Variants in KRT9 observed in about 807,000 individuals in gnomAD.
KRT9 encodes the protein keratin 9.
In KRT9, 34 loss-of-function variants were observed where a neutral mutation model predicts 51.4. That is an observed-to-expected ratio of 0.66 (90% confidence interval 0.50 to 0.88). The LOEUF (loss-of-function observed/expected upper bound fraction) is 0.88. Among genes scored for constraint, KRT9 ranks in the 40% least tolerant of loss-of-function variants. The pLI is 0.00. For missense variants in KRT9, 753 were observed against 790.3 expected (o/e 0.95, Z 0.57); for synonymous variants, 292 against 289.7 (o/e 1.01, Z -0.08).
In KRT9 at chr17:41,567,566, C is replaced by T; in HGVS notation, c.1579G>A (p.Gly527Arg). The T allele has an allele frequency of 1.9e-6, 3 of 1,553,446 alleles. No individual in the cohort carries two copies. Among genetic ancestry groups the T allele is most frequent in the Non-Finnish European group, 2.6e-6 (3 of 1,148,266 alleles). ...CCATAGCCACCTCCACTACCTCCTC[C>T]AGAACCACTTCCTCCACCGTAGCTG... is the stretch of plus-strand genomic sequence containing the variant. ...GGSYGGGSGS[G>R]GGSGGGYGGG... The change falls in exon 7 of 8, where the codon GGA becomes AGA. Residue 527 changes from glycine (G) to arginine (R), a missense_variant. By Grantham distance (125) the Gly-to-Arg change is moderately radical (BLOSUM62 -2). Transcript: ENST00000246662.
Position 41,572,023 on chromosome 17 carries a change from C to T in KRT9, c.-31G>A, listed in dbSNP as rs376504688. The T allele has an allele frequency of 5.1e-4, 797 of 1,553,710 alleles. 3 individuals are homozygous for T. Among genetic ancestry groups the T allele is most frequent in the Non-Finnish European group, 4.0e-4 (462 of 1,154,228 alleles). ...AGCTGGTAGCTCACGGGTTGAGAAG[C>T]AGTGATAGGAGTGCTACCGGCTCCC... On this transcript the variant is annotated 5_prime_UTR_variant, in exon 1 of 8. Coordinates refer to ENST00000246662, the MANE Select transcript of KRT9 (RefSeq NM_000226.4).
chr17:41,567,678 G>T lies in KRT9; in HGVS notation c.1467C>A (p.Ser489=). 1 of 1,612,902 alleles carries T rather than the reference G, an allele frequency of 6.2e-7. No individual in the cohort carries two copies. The highest frequency in any genetic ancestry group is 8.5e-7 in the Non-Finnish European group (1 of 1,179,416). ...GGSGGSYGRG[S]RGGSGGSYGG... is the part of the protein sequence containing the mutation. ...CATAGCTGCCTCCACTTCCTCCCCT[G>T]GATCCTCTTCCATAACTGCCTCCAC... is the stretch of plus-strand genomic sequence containing the variant. Residue 489 remains serine (S), a synonymous_variant, in exon 7 of 8, where the codon TCC becomes TCA. Coordinates refer to ENST00000246662, the MANE Select transcript of KRT9 (RefSeq NM_000226.4).
At position 41,571,593 on chromosome 17, in the gene KRT9, A is replaced by G. The variant is rs780977334; in HGVS notation, c.400T>C (p.Phe134Leu). 22 of 1,595,904 alleles carry G rather than the reference A, an allele frequency of 1.4e-5. No homozygotes were observed. The South Asian group carries it at 2.0e-4, about 15-fold the overall frequency. The change falls in exon 1 of 8, where the codon TTT (phenylalanine) becomes CTT (leucine). Residue 134 changes from phenylalanine (F) to leucine (L), a missense_variant. Physicochemically the swap from Phe to Leu is conservative, Grantham distance 22. Transcript: ENST00000246662. The stretch of plus-strand genomic sequence containing the variant: ...CCAGCACCACCTCCAAAGCCCCCAA[A>G]CCCCCCAAACCCACTCCCATAGCCA... ...GGGYGSGFGG[F>L]GGFGGGAGGG...
chr17:41,567,916 C>T (rs1323843931), intron 6 of KRT9, among the ~76,000 whole-genome samples, 166 bp from the exon 7 acceptor site: 1 of 152,122 alleles, frequency 6.6e-6, no homozygotes, highest in Non-Finnish European at 1.5e-5. Context: ...AGGAGAGCCT[C>T]CAGCTGAGAC....
In KRT9 at chr17:41,567,713, G is replaced by A. The variant is rs772738768; in HGVS notation, c.1432C>T (p.Arg478Ter). ...CCATAACTGCCTCCACTTCCTCCTC[G>A]ACCTCCAAGGCCAATTTTTCCAGCT... ...SGAGKIGLGG[R>*]GGSGGSYGRG... Residue 478 changes from arginine (R) to a stop codon, truncating the protein, a stop_gained, in exon 7 of 8, where the codon CGA becomes TGA. Coordinates refer to ENST00000246662, the MANE Select transcript of KRT9 (RefSeq NM_000226.4). LOFTEE classifies it high-confidence loss of function. 6 of 1,613,952 alleles carry A rather than the reference G, an allele frequency of 3.7e-6. No homozygotes were observed. The highest frequency in any genetic ancestry group is 3.3e-5 in the South Asian group (3 of 91,068).
Position 41,571,598 on chromosome 17 carries a change from C to G in KRT9, c.395G>C (p.Gly132Ala), listed in dbSNP as rs369250862. The G allele has an allele frequency of 3.7e-5, 60 of 1,601,988 alleles. 1 individual carries two copies. Among genetic ancestry groups the G allele is most frequent in the Non-Finnish European group, 3.1e-5 (36 of 1,172,060 alleles). ...GFGGGYGSGF[G>A]GFGGFGGGAG... ...ACCACCTCCAAAGCCCCCAAACCCC[C>G]CAAACCCACTCCCATAGCCACCACC... is the stretch of plus-strand genomic sequence containing the variant. Residue 132 changes from glycine to alanine, a missense_variant, in exon 1 of 8, where the codon GGG becomes GCG. Gly to Ala is a moderately conservative substitution (Grantham distance 60, BLOSUM62 0). This residue lies in a region of KRT9 where 241 missense variants were observed against 210.3 expected (regional missense o/e 1.15). Transcript: ENST00000246662.
intron 1 of KRT9, among the ~76,000 whole-genome samples, chr17:41,571,133 A>G (rs1293343285): frequency 6.6e-6 from 1 of 152,198 alleles, no homozygotes; most frequent in African/African-American, 2.4e-5. Context: ...AAACTCTGAA[A>G]GTTGAGGAAA....
At chr17:41,570,309 T>G (rs1668523618) in intron 1 of KRT9, 89 bp from the exon 2 acceptor site, 1 of 1,069,932 alleles carries the variant, frequency 9.3e-7, no homozygotes, top group Non-Finnish European at 1.5e-6. Flanking sequence ...GAGGTGAGGA[T>G]TCCATCCAGG....
Position 41,571,581 on chromosome 17 carries a change from C to T in KRT9, c.412G>A (p.Gly138Arg). ...GSGFGGFGGF[G>R]GGAGGGDGGI... ...CCATCACCTCCTCCAGCACCACCTC[C>T]AAAGCCCCCAAACCCCCCAAACCCA... Residue 138 changes from glycine (G) to arginine (R), a missense_variant, in exon 1 of 8, where the codon GGA (glycine) becomes AGA (arginine). Coordinates refer to ENST00000246662, the MANE Select transcript of KRT9 (RefSeq NM_000226.4). 1 of 1,600,746 alleles carries T rather than the reference C, an allele frequency of 6.2e-7. No individual in the cohort carries two copies. Among genetic ancestry groups the T allele is most frequent in the Non-Finnish European group, 8.5e-7 (1 of 1,170,180 alleles).
chr17:41,568,898 C>T (rs1352692019), intron 4 of KRT9, among the ~76,000 whole-genome samples: 1 of 146,132 alleles, frequency 6.8e-6, no homozygotes, highest in African/African-American at 2.6e-5. Context: ...AAACTTCCCC[C>T]ACCTTTCAAA....
rs1408435581 is a variant in KRT9, at chr17:41,571,255, C to T, written c.642+96G>A. 12 of 1,126,478 alleles carry T rather than the reference C, an allele frequency of 1.1e-5. No individual in the cohort carries two copies. In the Admixed American group the frequency reaches 1.9e-4, roughly 17 times the overall value. The allele number at this position is 1,126,478 out of a possible 1,614,324, so 69.8% of individuals were successfully genotyped here. A position where few individuals can be genotyped will look rare whatever the true frequency, so the allele number is the denominator to read the frequency against. ...CATTTCCAAAAGGTGGATTCCCTGG[C>T]TATTATCTGAGCTTAGAGTTTAGCA... On this transcript the variant is annotated intron_variant, in intron 1 of 7. Coordinates refer to ENST00000246662, the MANE Select transcript of KRT9 (RefSeq NM_000226.4).
Position 41,570,166 on chromosome 17 carries a change from G to C in KRT9, c.697C>G (p.Arg233Gly), listed in dbSNP as rs144301874. 1 of 1,614,122 alleles carries C rather than the reference G, an allele frequency of 6.2e-7. No individual in the cohort carries two copies. Among genetic ancestry groups the C allele is most frequent in the East Asian group, 2.2e-5 (1 of 44,886 alleles). Reference sequence around the variant, plus strand: ...ATCCTGAAGTCATCCAGTGTCATGCGAGTGTTGTCAATGTCCAGGAGAGTT... The same window carrying C: ...ATCCTGAAGTCATCCAGTGTCATGCCAGTGTTGTCAATGTCCAGGAGAGTT... Reference protein sequence around the residue: ...NKTLLDIDNTRMTLDDFRIKF... With the variant: ...NKTLLDIDNTGMTLDDFRIKF... The change falls in exon 2 of 8, where the codon CGC becomes GGC. Residue 233 changes from arginine (R) to glycine (G), a missense_variant. Physicochemically the swap from Arg to Gly is moderately radical, Grantham distance 125. Coordinates refer to ENST00000246662, the MANE Select transcript of KRT9 (RefSeq NM_000226.4).
intron 1 of KRT9, 130 bp from the exon 2 acceptor site, chr17:41,570,350 A>T: frequency 1.2e-6 from 1 of 807,150 alleles, no homozygotes; most frequent in South Asian, 1.4e-5. Flanking sequence ...GGAACTTCCA[A>T]CAGCTGGGAC....
rs1450562204 is a variant in KRT9 at position 41,571,708 on chromosome 17, T to G, written c.285A>C (p.Arg95Ser). The G allele has an allele frequency of 6.2e-7, 1 of 1,606,188 alleles. No individual in the cohort carries two copies. Among genetic ancestry groups the G allele is most frequent in the South Asian group, 1.1e-5 (1 of 90,376 alleles). The change falls in exon 1 of 8, where the codon AGA (arginine) becomes AGC (serine). Residue 95 changes from arginine to serine, a missense_variant. This residue lies in a region of KRT9 where 241 missense variants were observed against 210.3 expected (regional missense o/e 1.15). Coordinates refer to ENST00000246662, the MANE Select transcript of KRT9 (RefSeq NM_000226.4). The part of the protein sequence containing the change: ...SLGGGFGGGS[R>S]GFGGASGGGY... The stretch of plus-strand genomic sequence containing the variant: ...CTCCTCCAGAAGCACCACCAAAACC[T>G]CTGGAACCACCCCCAAAGCCACCGC...
At chr17:41,570,967 GTCCAA>G (rs995437121) in intron 1 of KRT9, among the ~76,000 whole-genome samples, 1 of 152,178 alleles carries the variant, frequency 6.6e-6, no homozygotes, top group Non-Finnish European at 1.5e-5. Context: ...GTACAGTCAG[GTCCAA>G]AATACCTTAA....
In KRT9 at chr17:41,571,581, CA is replaced by C; in HGVS notation, c.411del (p.Phe137LeufsTer13). The C allele has an allele frequency of 6.2e-7, 1 of 1,600,746 alleles. No homozygotes were observed. The highest frequency in any genetic ancestry group is 1.3e-5 in the African/African-American group (1 of 74,688). On this transcript the variant is annotated frameshift_variant, in exon 1 of 8. Coordinates refer to ENST00000246662, the MANE Select transcript of KRT9 (RefSeq NM_000226.4). LOFTEE classifies it high-confidence loss of function. ...CCATCACCTCCTCCAGCACCACCTC[CA>C]AAGCCCCCAAACCCCCCAAACCCAC... ...YGSGFGGFGG[F>X]GGGAGGGDGG...
At chr17:41,568,061 G>T in intron 6 of KRT9, 101 bp downstream of exon 6, 1 of 1,113,360 alleles carries the variant, frequency 9.0e-7, no homozygotes, top group Non-Finnish European at 1.3e-6. Flanking sequence ...ATAAGACCCT[G>T]TGTATAAGAA....
chr17:41,569,315 A>G lies in KRT9; in HGVS notation c.1044+111T>C, dbSNP rs1906988793. On this transcript the variant is annotated intron_variant, in intron 4 of 7. Coordinates refer to ENST00000246662, the MANE Select transcript of KRT9 (RefSeq NM_000226.4). The stretch of plus-strand genomic sequence containing the variant: ...TTCCATTGGAAGATGGATAAATGAC[A>G]GCTGCACTGAGAGATGCAGAGATAG... 4.7e-6 allele frequency: 5 copies of G among 1,054,528 alleles called. No individual in the cohort carries two copies. The Admixed American group carries it at 5.9e-5, about 13-fold the overall frequency. 65.3% of individuals were successfully genotyped at this position (1,054,528 alleles called of 1,614,324 possible). A position where few individuals can be genotyped will look rare whatever the true frequency, so the allele number is the denominator to read the frequency against.
At chr17:41,571,237 A>G (rs1907066574) in intron 1 of KRT9, 114 bp downstream of exon 1, 2 of 1,016,660 alleles carry the variant, frequency 2.0e-6, no homozygotes, top group African/African-American at 3.2e-5. Flanking sequence ...GTACATTTCC[A>G]AAAGGTGGAT....
Sources: gnomAD v4.1 joint callset for allele counts (sites outside exome capture counted in the v4.1 genomes callset) on GRCh38, gnomAD v4.1.1 for gene constraint, gnomAD v4.1.1 regional missense constraint, MANE v1.5 for transcripts, NCBI Gene and HGNC (gene_info 2026-07-23, HGNC 2026-07-21) for gene names.